The following LIN9 variants were observed in gnomAD, a reference collection of about 807,000 sequenced individuals.
LIN9 encodes lin-9 DREAM MuvB core complex component.
LIN9 carries 18 observed loss-of-function variants against 78.0 expected under a neutral mutation model. The observed-to-expected ratio is 0.23, with a 90% confidence interval of 0.16 to 0.34. The LOEUF is 0.34. Among genes scored for constraint, LIN9 ranks in the 10% least tolerant of loss-of-function variants. The probability of loss-of-function intolerance (pLI) is 1.00; values close to 1 mark genes in which losing one functional copy is unlikely to be tolerated. For missense variants in LIN9, 451 were observed against 644.1 expected (o/e 0.70, Z 3.25); for synonymous variants, 192 against 215.2 (o/e 0.89, Z 0.94).
chr1:226,278,052 G>T, intron 6 of LIN9, 120 bp from the exon 7 acceptor site: 1 of 748,736 alleles, frequency 1.3e-6, no homozygotes, highest in Non-Finnish European at 2.1e-6. Context: ...GAGTGCAGTG[G>T]CACAATCTTG....
chr1:226,242,854 G>A (rs1270274764), intron 11 of LIN9, among the ~76,000 whole-genome samples: 1 of 151,826 alleles, frequency 6.6e-6, no homozygotes, highest in South Asian at 2.1e-4. Flanking sequence ...AAACCTTTAT[G>A]ATCTACTCCC....
chr1:226,309,178 C>A, upstream of LIN9: 1 of 1,414,760 alleles, frequency 7.1e-7, no homozygotes, highest in South Asian at 1.7e-5. Context: ...GGCTGCCCGC[C>A]GCGGTGCATT....
At chr1:226,309,352 C>G (rs1462521961), upstream of LIN9, 54 of 990,224 alleles carry the variant, frequency 5.5e-5, no homozygotes, top group Non-Finnish European at 6.5e-5. Context: ...CTCGCCCCTC[C>G]GCCGCCGCCT....
intron 10 of LIN9, among the ~76,000 whole-genome samples, chr1:226,255,851 C>T (rs1659156587): frequency 6.6e-6 from 1 of 151,398 alleles, no homozygotes; most frequent in Admixed American, 6.6e-5. Context: ...ACAGAATGTC[C>T]AAGGATTGTG....
chr1:226,259,577 T>C lies in LIN9; in HGVS notation c.1038+5956A>G, dbSNP rs551040299. Among the ~76,000 whole-genome samples, 7 of 152,234 alleles carry C rather than the reference T, an allele frequency of 4.6e-5. No individual in the cohort carries two copies. In the South Asian group the frequency reaches 8.3e-4, roughly 18 times the overall value. ...ACATACCTTAACAAAATTAAAACAA[T>C]AGAAATCATACAATGTATGCTCTTA... On this transcript the variant is annotated intron_variant, in intron 10 of 14. Coordinates refer to ENST00000681046, the MANE Select transcript of LIN9 (RefSeq NM_001366245.2).
In LIN9 at chr1:226,266,161, T is replaced by C. The variant is rs561724282; in HGVS notation, c.936+52A>G. 1.9e-5 allele frequency: 25 copies of C among 1,312,402 alleles called. No individual in the cohort carries two copies. In the South Asian group the frequency reaches 3.9e-4, roughly 20 times the overall value. The allele number at this position is 1,312,402 out of a possible 1,614,324, so 81.3% of individuals were successfully genotyped here. A position where few individuals can be genotyped will look rare whatever the true frequency, so the allele number is the denominator to read the frequency against. On this transcript the variant is annotated intron_variant, in intron 9 of 14. Transcript: ENST00000681046. ...AGATGTGTATTTCTTAAGAACATAG[T>C]TCACCTTCATAAAAATCAATTAAAT...
chr1:226,292,023 G>C (rs1661824753), intron 4 of LIN9, among the ~76,000 whole-genome samples: 1 of 152,044 alleles, frequency 6.6e-6, no homozygotes, highest in East Asian at 1.9e-4. Context: ...ATCACAAAAA[G>C]TGTTATTTCT....
chr1:226,249,016 C>T (rs1444404650), intron 11 of LIN9, among the ~76,000 whole-genome samples: 2 of 152,116 alleles, frequency 1.3e-5, no homozygotes, highest in African/African-American at 4.8e-5. Flanking sequence ...TGCGAAACAA[C>T]CCAAAATAGG....
chr1:226,275,691 C>CAAAAAA lies in LIN9; in HGVS notation c.682+2083_682+2084insTTTTTT, dbSNP rs1315376373. ...CTGGCAACAGAGCAAGACTCCGTCTCAGAAAAAAAAAAAAAAAAAAAGAAA... is the reference window on the plus strand; with the variant it reads ...CTGGCAACAGAGCAAGACTCCGTCTCAAAAAAAGAAAAAAAAAAAAAAAAAAAGAAA... On this transcript the variant is annotated intron_variant, in intron 7 of 14. Transcript: ENST00000681046. Among the ~76,000 whole-genome samples the CAAAAAA allele has an allele frequency of 1.6e-4, 7 of 43,416 alleles. 2 individuals are homozygous for CAAAAAA. Among genetic ancestry groups the CAAAAAA allele is most frequent in the Admixed American group, 3.1e-4 (1 of 3,234 alleles). The allele number at this position is 43,416 out of a possible 152,430, so 28.5% of individuals were successfully genotyped here.
chr1:226,302,436 G>A (rs1397992716), intron 1 of LIN9, among the ~76,000 whole-genome samples: 3 of 151,984 alleles, frequency 2.0e-5, no homozygotes, highest in South Asian at 2.1e-4. Flanking sequence ...CCAGCTACTC[G>A]GGAGGCTGAG....
intron 12 of LIN9, among the ~76,000 whole-genome samples, chr1:226,234,260 TTGA>T (rs1657540871): frequency 1.3e-5 from 2 of 152,340 alleles, no homozygotes; most frequent in African/African-American, 4.8e-5. Context: ...TTAGCATCTG[TTGA>T]TGATTCTTGT....
intron 10 of LIN9, among the ~76,000 whole-genome samples, chr1:226,252,469 T>C (rs538392580): frequency 7.9e-5 from 12 of 152,118 alleles, no homozygotes; most frequent in African/African-American, 2.9e-4. Flanking sequence ...AAGAACATGT[T>C]AAATAATCCC....
chr1:226,302,435 C>T (rs893181905), intron 1 of LIN9, among the ~76,000 whole-genome samples: 3 of 151,104 alleles, frequency 2.0e-5, no homozygotes, highest in Admixed American at 6.6e-5. Flanking sequence ...CCCAGCTACT[C>T]GGGAGGCTGA....
chr1:226,244,889 A>G (rs1174523703), intron 11 of LIN9, among the ~76,000 whole-genome samples: 3 of 152,216 alleles, frequency 2.0e-5, no homozygotes, highest in Admixed American at 6.5e-5. Flanking sequence ...GTGTATAAAC[A>G]TGCTCCTTCT....
chr1:226,287,587 ATGT>A, intron 5 of LIN9, 74 bp downstream of exon 5: 3 of 971,088 alleles, frequency 3.1e-6, no homozygotes, highest in Middle Eastern at 3.4e-4. Flanking sequence ...CCTATAGAAA[ATGT>A]TGTAGCTTAA....
intron 7 of LIN9, among the ~76,000 whole-genome samples, chr1:226,274,029 G>T (rs1368223020): frequency 6.6e-6 from 1 of 151,768 alleles, no homozygotes; most frequent in East Asian, 1.9e-4. Context: ...GTAGAGACAG[G>T]GTTTCACCAT....
At chr1:226,301,903 T>TA (rs1558210266) in intron 1 of LIN9, among the ~76,000 whole-genome samples, 1 of 152,038 alleles carries the variant, frequency 6.6e-6, no homozygotes, top group African/African-American at 2.4e-5. Context: ...ATCCTGTCTC[T>TA]AAAAAAATGT....
At chr1:226,308,935 T>C (rs1663097012) in intron 1 of LIN9, 174 bp downstream of exon 1, 2 of 482,020 alleles carry the variant, frequency 4.1e-6, no homozygotes, top group Non-Finnish European at 6.4e-6. Flanking sequence ...ACAGACACCA[T>C]AACAAAGGCG....
intron 11 of LIN9, among the ~76,000 whole-genome samples, chr1:226,242,961 A>T (rs560124504): frequency 3.9e-5 from 6 of 152,232 alleles, no homozygotes; most frequent in African/African-American, 9.6e-5. Context: ...TATATAATGC[A>T]TATAGAAGAT....
Sources: gnomAD v4.1 joint callset for allele counts (sites outside exome capture counted in the v4.1 genomes callset) on GRCh38, gnomAD v4.1.1 for gene constraint, MANE v1.5 for transcripts, NCBI Gene and HGNC (gene_info 2026-07-23, HGNC 2026-07-21) for gene names.